TTC7A: variants seen among roughly 807,000 people sequenced by gnomAD.
TTC7A encodes tetratricopeptide repeat protein 7A.
In TTC7A, 110 loss-of-function variants were observed where a neutral mutation model predicts 103.7. That is an observed-to-expected ratio of 1.06 (90% confidence interval 0.91 to 1.24). The LOEUF (loss-of-function observed/expected upper bound fraction) is 1.24, where lower values mean the gene tolerates loss of function less well. TTC7A is among the 50% of genes most tolerant of loss of function. The pLI, the probability that TTC7A is intolerant of heterozygous loss-of-function variation, is 0.00. For missense variants in TTC7A, 1,340 were observed against 1,116.3 expected, an observed-to-expected ratio of 1.20 and a Z score of -2.86; for synonymous variants, 521 against 467.9, an observed-to-expected ratio of 1.11 and a Z score of -1.47.
intron 15 of TTC7A, among the ~76,000 whole-genome samples, chr2:47,040,195 C>A (rs986853314): frequency 6.6e-6 from 1 of 152,186 alleles, no homozygotes; most frequent in Non-Finnish European, 1.5e-5. Context: ...CTGGGCTCCC[C>A]GCCCAGACCA....
At position 46,995,149 on chromosome 2, in the gene TTC7A, A is replaced by G. The variant is rs370815748; in HGVS notation, c.1015A>G (p.Lys339Glu). Residue 339 changes from lysine (K) to glutamate (E), a missense_variant, in exon 8 of 20, where the codon AAG (lysine) becomes GAG (glutamate). Lys to Glu is a moderately conservative substitution (Grantham distance 56). Coordinates refer to ENST00000319190, the MANE Select transcript of TTC7A (RefSeq NM_020458.4). ...GGTGTCTTTCAGCCTCTACTGCCCC[A>G]AGGACAACATCGAGGAAGCCCTCCT... ...LYEGDNLYCP[K>E]DNIEEALLLL... is the part of the protein sequence containing the mutation. The G allele has an allele frequency of 5.9e-5, 96 of 1,613,994 alleles. No homozygotes were observed. Among genetic ancestry groups the G allele is most frequent in the Non-Finnish European group, 7.1e-5 (84 of 1,180,016 alleles).
At chr2:47,025,302 C>CGGA (rs1274129319) in intron 14 of TTC7A, among the ~76,000 whole-genome samples, 1 of 152,172 alleles carries the variant, frequency 6.6e-6, no homozygotes, top group Admixed American at 6.5e-5. Flanking sequence ...CATTTTTTAC[C>CGGA]GGAGGACACC....
chr2:47,064,433 G>A (rs1304009678), intron 19 of TTC7A, among the ~76,000 whole-genome samples: 1 of 152,196 alleles, frequency 6.6e-6, no homozygotes, highest in Non-Finnish European at 1.5e-5. Flanking sequence ...AGAAGGGGAA[G>A]ACTGAACTTT....
At chr2:46,929,937 A>G (rs556363960) in intron 2 of TTC7A, among the ~76,000 whole-genome samples, 13 of 152,338 alleles carry the variant, frequency 8.5e-5, no homozygotes, top group African/African-American at 3.1e-4. Flanking sequence ...TCAATGTTTT[A>G]GACAGTGGCT....
intron 19 of TTC7A, among the ~76,000 whole-genome samples, chr2:47,070,413 G>C (rs554789854): frequency 6.6e-6 from 1 of 152,260 alleles, no homozygotes; most frequent in Non-Finnish European, 1.5e-5. Context: ...GTGTGTGTGT[G>C]GGTGTCTCTG....
At chr2:46,919,041 T>C (rs1257182792) in intron 2 of TTC7A, among the ~76,000 whole-genome samples, 1 of 152,202 alleles carries the variant, frequency 6.6e-6, no homozygotes, top group African/African-American at 2.4e-5. Flanking sequence ...CAGAATGGCC[T>C]CTAGGTGGCA....
chr2:47,008,489 C>T (rs1330116916), intron 10 of TTC7A, among the ~76,000 whole-genome samples: 2 of 152,226 alleles, frequency 1.3e-5, no homozygotes, highest in African/African-American at 2.4e-5. Context: ...CGCGACTTGG[C>T]TCCTTCACAG....
At chr2:46,954,429 T>G (rs1671667753) in intron 2 of TTC7A, among the ~76,000 whole-genome samples, 1 of 152,154 alleles carries the variant, frequency 6.6e-6, no homozygotes, top group Non-Finnish European at 1.5e-5. Context: ...CAGTGGACTC[T>G]TAATGTTGCC....
intron 14 of TTC7A, among the ~76,000 whole-genome samples, chr2:47,028,371 A>C (rs557049563): frequency 1.3e-5 from 2 of 152,366 alleles, no homozygotes; most frequent in East Asian, 3.9e-4. Flanking sequence ...CTGCAGCCAG[A>C]TCCAGTAGAA....
intron 15 of TTC7A, among the ~76,000 whole-genome samples, chr2:47,044,375 G>C (rs975394804): frequency 3.9e-5 from 6 of 152,210 alleles, no homozygotes; most frequent in Admixed American, 3.3e-4. Context: ...ACAGGCCCCT[G>C]ATACTTATGG....
In TTC7A at chr2:46,941,962, TG is replaced by T. The variant is rs1644161993; in HGVS notation, c.184+238del. The T allele has an allele frequency of 1.7e-6, 1 of 594,990 alleles. No individual in the cohort carries two copies. Among genetic ancestry groups the T allele is most frequent in the Non-Finnish European group, 3.0e-6 (1 of 334,598 alleles). 36.9% of individuals were successfully genotyped at this position (594,990 alleles called of 1,614,324 possible). A position where few individuals can be genotyped will look rare whatever the true frequency, so the allele number is the denominator to read the frequency against. On this transcript the variant is annotated intron_variant, in intron 1 of 19. Coordinates refer to ENST00000319190, the MANE Select transcript of TTC7A (RefSeq NM_020458.4). The surrounding 1 kb of genome is among the most constrained non-coding windows in gnomAD (Gnocchi z 4.2). ...TTTTGCTCTGTGTCCTTTAGGATAATGTGGCTAACTCTGTCTACCGTGAAAT... is the reference window on the plus strand; with the variant it reads ...TTTTGCTCTGTGTCCTTTAGGATAATTGGCTAACTCTGTCTACCGTGAAAT...
intron 2 of TTC7A, 192 bp from the exon 3 acceptor site, chr2:46,956,647 C>G (rs1266022267): frequency 3.3e-6 from 2 of 610,998 alleles, no homozygotes; most frequent in Non-Finnish European, 2.9e-6. Context: ...TATTGAGAAC[C>G]ACAATGTAGG....
intron 8 of TTC7A, among the ~76,000 whole-genome samples, chr2:47,002,954 G>T (rs527746030): frequency 7.2e-5 from 11 of 152,238 alleles, no homozygotes; most frequent in African/African-American, 2.6e-4. Context: ...CCTGCCTATT[G>T]AGGGCCTATC....
intron 5 of TTC7A, among the ~76,000 whole-genome samples, chr2:46,980,478 C>A (rs1265966126): frequency 6.6e-6 from 1 of 152,178 alleles, no homozygotes; most frequent in Non-Finnish European, 1.5e-5. Context: ...TTCTAAAGTG[C>A]TGGGATTACA....
intron 9 of TTC7A, 125 bp downstream of exon 9, chr2:47,006,184 C>T (rs925648346): frequency 8.0e-7 from 1 of 1,250,538 alleles, no homozygotes; most frequent in Non-Finnish European, 1.1e-6. Context: ...CCGCTTTGAC[C>T]TCGGCAAGTT....
At position 46,995,075 on chromosome 2, in the gene TTC7A, G is replaced by T. The variant is rs776586032; in HGVS notation, c.1002-61G>T. ...CTGGGGCAGAAGGCTGGCATGGTGG[G>T]TCAGTGGTGCTGTCTGGTGAGGTGT... On this transcript the variant is annotated intron_variant, in intron 7 of 19. Transcript: ENST00000319190. 1.9e-6 allele frequency: 3 copies of T among 1,545,592 alleles called. No individual in the cohort carries two copies. The Admixed American group carries it at 5.1e-5, about 26-fold the overall frequency.
At chr2:46,957,513 A>G (rs1309920460) in intron 3 of TTC7A, among the ~76,000 whole-genome samples, 1 of 152,194 alleles carries the variant, frequency 6.6e-6, no homozygotes, top group Non-Finnish European at 1.5e-5. Flanking sequence ...TGAGTGGCCC[A>G]GGGAGCAGGG....
At chr2:47,022,106 C>G in intron 12 of TTC7A, 127 bp downstream of exon 12, 2 of 636,036 alleles carry the variant, frequency 3.1e-6, no homozygotes. Context: ...ATGCACTCCT[C>G]TGGGAGAGAT....
intron 3 of TTC7A, among the ~76,000 whole-genome samples, chr2:46,969,390 C>T (rs1413822900): frequency 6.6e-6 from 1 of 151,900 alleles, no homozygotes; most frequent in East Asian, 2.0e-4. Context: ...GTCTGTAGTC[C>T]CAGCTACTCG....
Sources: allele counts gnomAD v4.1 joint callset (sites outside exome capture counted in the v4.1 genomes callset), GRCh38; gene constraint gnomAD v4.1.1; non-coding constraint Gnocchi (gnomAD v3.1); transcripts MANE v1.5; gene names NCBI Gene and HGNC (gene_info 2026-07-23, HGNC 2026-07-21).